The following KCNMA1 variants were observed in gnomAD, a reference collection of about 807,000 sequenced individuals.
KCNMA1 encodes potassium calcium-activated channel subfamily M alpha 1.
Under a neutral mutation model 140.0 loss-of-function variants are expected in KCNMA1, and 29 were observed. The ratio of observed to expected loss-of-function variants is 0.21; its 90% CI spans 0.15 to 0.28. KCNMA1 has a LOEUF of 0.28. Ranked by LOEUF, KCNMA1 falls within the 10% of genes least tolerant of loss-of-function variation. KCNMA1 has a pLI of 1.00. For synonymous variants in KCNMA1, 612 were observed against 611.9 expected (o/e 1.00, Z 0.00); for missense variants, 880 against 1,602.2 (o/e 0.55, Z 7.70).
chr10:76,871,168 G>T, exon 28 of KCNMA1: 1 of 152,562 alleles, frequency 6.6e-6, no homozygotes. Flanking sequence ...CATCTGCAGG[G>T]CCTGTTGTAG....
intron 4 of KCNMA1, among the ~76,000 whole-genome samples, chr10:77,184,368 C>T (rs184038129): frequency 7.9e-5 from 12 of 152,116 alleles, no homozygotes; most frequent in East Asian, 5.8e-4. Flanking sequence ...TACAGATGCC[C>T]GCCGCCACGC....
intron 3 of KCNMA1, among the ~76,000 whole-genome samples, chr10:77,185,394 C>T (rs929237580): frequency 2.6e-5 from 4 of 152,062 alleles, no homozygotes; most frequent in East Asian, 1.9e-4. Context: ...TGTTTTGGAC[C>T]TTTTAAAAAC....
intron 1 of KCNMA1, among the ~76,000 whole-genome samples, chr10:77,495,618 C>T (rs764179417): frequency 6.6e-6 from 1 of 152,250 alleles, no homozygotes; most frequent in Non-Finnish European, 1.5e-5. Context: ...CCAACACATT[C>T]CCCTGAGAAG....
intron 14 of KCNMA1, among the ~76,000 whole-genome samples, chr10:77,054,262 T>G (rs577832920): frequency 6.6e-6 from 1 of 152,314 alleles, no homozygotes; most frequent in East Asian, 1.9e-4. Flanking sequence ...CAACCACAGA[T>G]AGAAATGTCC....
At chr10:77,172,656 T>A (rs1182919005) in intron 5 of KCNMA1, among the ~76,000 whole-genome samples, 1 of 150,238 alleles carries the variant, frequency 6.7e-6, no homozygotes, top group Non-Finnish European at 1.5e-5. Context: ...GTTGCAATGC[T>A]ATTCATAAGG....
chr10:77,508,581 C>CTTTTCT (rs2047073477), intron 1 of KCNMA1, among the ~76,000 whole-genome samples: 1 of 99,874 alleles, frequency 1.0e-5, no homozygotes, highest in African/African-American at 4.3e-5. Flanking sequence ...TTTTTCTTTT[C>CTTTTCT]TTTTTTTTTT....
intron 25 of KCNMA1, among the ~76,000 whole-genome samples, chr10:76,892,500 G>A: frequency 6.6e-6 from 1 of 152,212 alleles, no homozygotes; most frequent in East Asian, 1.9e-4. Context: ...AGCCTAATTT[G>A]AGAAATTCTC....
At chr10:77,447,712 C>A (rs976527211) in intron 1 of KCNMA1, among the ~76,000 whole-genome samples, 1 of 152,180 alleles carries the variant, frequency 6.6e-6, no homozygotes, top group South Asian at 2.1e-4. Flanking sequence ...GGATCAAGAA[C>A]AGGGGCTCAT....
chr10:77,383,296 G>A (rs1442487536), intron 2 of KCNMA1, among the ~76,000 whole-genome samples: 2 of 151,696 alleles, frequency 1.3e-5, no homozygotes, highest in Non-Finnish European at 2.9e-5. Context: ...GCTTAGGACC[G>A]ACCTGTGACT....
chr10:77,560,026 A>C (rs1009572502), intron 1 of KCNMA1, among the ~76,000 whole-genome samples: 6 of 151,772 alleles, frequency 4.0e-5, no homozygotes, highest in African/African-American at 1.5e-4. Flanking sequence ...AAATACAAAA[A>C]AAAAAAATCA....
chr10:77,525,471 T>C (rs535777550), intron 1 of KCNMA1, among the ~76,000 whole-genome samples: 1 of 152,256 alleles, frequency 6.6e-6, no homozygotes, highest in African/African-American at 2.4e-5. Flanking sequence ...TACAAGTAGT[T>C]TCTGGAAGCC....
chr10:77,042,799 T>TAAC (rs1484906484), intron 14 of KCNMA1, among the ~76,000 whole-genome samples: 4 of 152,240 alleles, frequency 2.6e-5, no homozygotes, highest in Non-Finnish European at 5.9e-5. Context: ...TTTTGTAGGA[T>TAAC]AACAATATTA....
intron 5 of KCNMA1, among the ~76,000 whole-genome samples, chr10:77,154,607 G>C (rs953608628): frequency 2.6e-5 from 4 of 152,018 alleles, no homozygotes; most frequent in African/African-American, 9.7e-5. Context: ...CTACAGGTAG[G>C]TACCTTAATA....
At chr10:76,952,210 G>A (rs1227863948) in intron 21 of KCNMA1, 11 of 1,542,648 alleles carry the variant, frequency 7.1e-6, no homozygotes, top group Non-Finnish European at 9.6e-6. Context: ...GGGCAAAAGT[G>A]CCATGAATAC....
At chr10:76,892,513 G>T (rs1035213906) in intron 25 of KCNMA1, among the ~76,000 whole-genome samples, 1 of 152,202 alleles carries the variant, frequency 6.6e-6, no homozygotes, top group Non-Finnish European at 1.5e-5. Flanking sequence ...AAATTCTCAG[G>T]TAAGGGTGTG....
intron 5 of KCNMA1, among the ~76,000 whole-genome samples, chr10:77,141,728 G>T (rs2098175098): frequency 1.3e-5 from 2 of 152,150 alleles, no homozygotes; most frequent in African/African-American, 4.8e-5. Context: ...CAGAGAGAGG[G>T]GAAACATTAA....
chr10:76,899,464 G>T (rs1395591064), intron 25 of KCNMA1, among the ~76,000 whole-genome samples: 1 of 152,126 alleles, frequency 6.6e-6, no homozygotes, highest in African/African-American at 2.4e-5. Context: ...GGCAAATCTG[G>T]CTCTTGGGCC....
chr10:77,211,159 A>G (rs2045930431), intron 3 of KCNMA1, among the ~76,000 whole-genome samples: 1 of 151,938 alleles, frequency 6.6e-6, no homozygotes, highest in African/African-American at 2.4e-5. Context: ...GGAGGCATCA[A>G]ACTACCAACA....
chr10:77,439,149 A>AGAGAAGAGAAGAGAAGAG (rs1555337767), intron 1 of KCNMA1, among the ~76,000 whole-genome samples: 90 of 85,270 alleles, frequency 1.1e-3, no homozygotes, highest in African/African-American at 2.8e-3. Context: ...AGAGAAGAGA[A>AGAGAAGAGAAGAGAAGAG]AAGAGAAGAG....
Sources: allele counts gnomAD v4.1 joint callset (sites outside exome capture counted in the v4.1 genomes callset), GRCh38; gene constraint gnomAD v4.1.1; transcripts MANE v1.5; gene names NCBI Gene and HGNC (gene_info 2026-07-23, HGNC 2026-07-21).